The following OTOP1 variants were observed in gnomAD, a reference collection of about 807,000 sequenced individuals.
OTOP1 encodes otopetrin 1.
In OTOP1, 59 loss-of-function variants were observed where a neutral mutation model predicts 52.9. That is an observed-to-expected ratio of 1.12 (90% CI 0.91 to 1.39). OTOP1 has a LOEUF of 1.39. OTOP1 is among the 40% of genes most tolerant of loss of function. OTOP1 has a pLI of 0.00. For missense variants in OTOP1, 761 were observed against 800.9 expected (o/e 0.95, Z 0.60); for synonymous variants, 317 against 337.7 (o/e 0.94, Z 0.67).
At chr4:4,202,732 G>A (rs1716817451) in intron 3 of OTOP1, among the ~76,000 whole-genome samples, 154 bp from the exon 4 acceptor site, 1 of 152,232 alleles carries the variant, frequency 6.6e-6, no homozygotes, top group Non-Finnish European at 1.5e-5. Context: ...CCCCCTGCCT[G>A]GCTGGGTGGG....
At chr4:4,201,199 C>T (rs1716778342) in intron 4 of OTOP1, among the ~76,000 whole-genome samples, 1 of 152,166 alleles carries the variant, frequency 6.6e-6, no homozygotes, top group African/African-American at 2.4e-5. Flanking sequence ...GAGGCCAAGG[C>T]AGGTGGATCA....
At chr4:4,210,929 C>T (rs955009170) in intron 2 of OTOP1, among the ~76,000 whole-genome samples, 2 of 152,168 alleles carry the variant, frequency 1.3e-5, no homozygotes, top group East Asian at 1.9e-4. Flanking sequence ...TCTCCAAATA[C>T]AGTCACATGC....
At position 4,206,369 on chromosome 4, in the gene OTOP1, A is replaced by G. The variant is rs566170443; in HGVS notation, c.541-239T>C. On this transcript the variant is annotated intron_variant, in intron 2 of 5. Coordinates refer to ENST00000296358, the MANE Select transcript of OTOP1 (RefSeq NM_177998.3). The stretch of plus-strand genomic sequence containing the variant: ...GGAAGAAATGGTGCTGCAATTGATT[A>G]AGGATGTCTTCTGTGATATGGGGGT... 2.0e-5 allele frequency among the ~76,000 whole-genome samples: 3 copies of G among 152,316 alleles called. No individual in the cohort carries two copies. The East Asian group carries it at 5.8e-4, about 29-fold the overall frequency.
chr4:4,207,626 G>T (rs1205574737), intron 2 of OTOP1, among the ~76,000 whole-genome samples: 1 of 150,036 alleles, frequency 6.7e-6, no homozygotes, highest in Non-Finnish European at 1.5e-5. Context: ...CAAAAGAAGT[G>T]AAAGCAAGTT....
chr4:4,211,207 G>T (rs17697684), intron 2 of OTOP1, among the ~76,000 whole-genome samples: 2 of 152,110 alleles, frequency 1.3e-5, no homozygotes, highest in Non-Finnish European at 2.9e-5. Flanking sequence ...GGGGGTACAA[G>T]CTGAAGGTCA....
Position 4,198,039 on chromosome 4 carries a change from G to C in OTOP1, c.795C>G (p.His265Gln). 6.2e-7 allele frequency: 1 copy of C among 1,614,168 alleles called. No individual in the cohort carries two copies. Among genetic ancestry groups the C allele is most frequent in the Non-Finnish European group, 8.5e-7 (1 of 1,180,010 alleles). Residue 265 changes from histidine to glutamine, a missense_variant, in exon 5 of 6, where the codon CAC becomes CAG. By Grantham distance (24) the His-to-Gln change is conservative (BLOSUM62 0). Around this residue, in one of 3 missense-constraint regions of OTOP1, gnomAD observed 632 missense variants for 619.5 expected, o/e 1.02. Coordinates refer to ENST00000296358, the MANE Select transcript of OTOP1 (RefSeq NM_177998.3). ...TPPTLCTAIS[H>Q]GIYYLYPFNI... ...TGAAGGGGTAGAGGTAGTAGATCCC[G>C]TGGGAGATGGCAGTGCACAGAGTTG...
chr4:4,188,942 G>A lies in OTOP1; in HGVS notation c.1700C>T (p.Pro567Leu), dbSNP rs776308014. 5 of 1,613,212 alleles carry A rather than the reference G, an allele frequency of 3.1e-6. No homozygotes were observed. Among genetic ancestry groups the A allele is most frequent in the Admixed American group, 3.3e-5 (2 of 59,926 alleles). Reference protein sequence around the residue: ...LWIPPAFGCRPEYDNGLEEIV... With the variant: ...LWIPPAFGCRLEYDNGLEEIV... ...CTCCTCCAATCCATTGTCATACTCA[G>A]GTCGACAGCCAAAGGCGGGAGGTAT... is the stretch of plus-strand genomic sequence containing the variant. Residue 567 changes from proline to leucine, a missense_variant, in exon 6 of 6, where the codon CCT becomes CTT. Coordinates refer to ENST00000296358, the MANE Select transcript of OTOP1 (RefSeq NM_177998.3).
rs187686694 is a variant in OTOP1 at position 4,215,468 on chromosome 4, C to G, written c.404-2464G>C. Among the ~76,000 whole-genome samples the G allele has an allele frequency of 7.0e-3, 1,070 of 152,092 alleles. 19 individuals carry two copies. The highest frequency in any genetic ancestry group is 0.024 in the African/African-American group (1,006 of 41,492). The stretch of plus-strand genomic sequence containing the variant: ...CCTGAGGTTGGGAGTTCGAGAGCAG[C>G]CTGACCAATGTGGAGAAACCCCATC... On this transcript the variant is annotated intron_variant, in intron 1 of 5. Coordinates refer to ENST00000296358, the MANE Select transcript of OTOP1 (RefSeq NM_177998.3).
chr4:4,222,130 G>A (rs1717316585), intron 1 of OTOP1, among the ~76,000 whole-genome samples: 1 of 152,050 alleles, frequency 6.6e-6, no homozygotes, highest in Non-Finnish European at 1.5e-5. Context: ...GGATACAACG[G>A]TAAGCACAGA....
At chr4:4,212,184 C>T (rs952097435) in intron 2 of OTOP1, among the ~76,000 whole-genome samples, 6 of 152,140 alleles carry the variant, frequency 3.9e-5, no homozygotes, top group African/African-American at 4.8e-5. Flanking sequence ...CTGCCAAAGG[C>T]GAACACTACC....
chr4:4,224,731 T>G (rs942440216), intron 1 of OTOP1, among the ~76,000 whole-genome samples: 4 of 152,230 alleles, frequency 2.6e-5, no homozygotes, highest in Admixed American at 2.6e-4. Flanking sequence ...ATCCAGTCCC[T>G]GAGCCTAAGA....
intron 1 of OTOP1, among the ~76,000 whole-genome samples, chr4:4,219,466 C>T (rs1717223327): frequency 1.3e-5 from 2 of 151,908 alleles, no homozygotes; most frequent in Non-Finnish European, 2.9e-5. Context: ...CTTTGGGAGG[C>T]CGAGGCGGGC....
rs769230414 is a variant in OTOP1 at position 4,226,611 on chromosome 4, G to T, written c.254C>A (p.Ala85Glu). 19 of 1,599,154 alleles carry T rather than the reference G, an allele frequency of 1.2e-5. No individual in the cohort carries two copies. The African/African-American group carries it at 2.4e-4, about 21-fold the overall frequency. Residue 85 changes from alanine to glutamate, a missense_variant, in exon 1 of 6, where the codon GCG becomes GAG. This residue lies in a region of OTOP1 where 56 missense variants were observed against 105.6 expected (regional missense o/e 0.53). Coordinates refer to ENST00000296358, the MANE Select transcript of OTOP1 (RefSeq NM_177998.3). ...LLLLAWAVHA[A>E]GVSKSDLLCF... ...CAGCAGGTCGCTCTTGCTCACGCCC[G>T]CGGCGTGCACGGCCCAGGCCAGCAG... is the stretch of plus-strand genomic sequence containing the variant.
chr4:4,223,842 G>A (rs1021589067), intron 1 of OTOP1, among the ~76,000 whole-genome samples: 12 of 151,884 alleles, frequency 7.9e-5, no homozygotes, highest in Admixed American at 2.0e-4. Flanking sequence ...AGTGGAGGTC[G>A]CAGTGACCCA....
chr4:4,225,731 C>T (rs1015790389), intron 1 of OTOP1, among the ~76,000 whole-genome samples: 30 of 152,310 alleles, frequency 2.0e-4, no homozygotes, highest in Admixed American at 1.0e-3. Flanking sequence ...TTTCTCAACA[C>T]CCACTTCGTG....
chr4:4,210,970 T>C (rs1419804098), intron 2 of OTOP1, among the ~76,000 whole-genome samples: 1 of 152,048 alleles, frequency 6.6e-6, no homozygotes, highest in Non-Finnish European at 1.5e-5. Flanking sequence ...TTTCGGCAAA[T>C]GAATTTCACA....
At chr4:4,213,204 A>G (rs1717062904) in intron 1 of OTOP1, among the ~76,000 whole-genome samples, 200 bp from the exon 2 acceptor site, 1 of 152,264 alleles carries the variant, frequency 6.6e-6, no homozygotes, top group Non-Finnish European at 1.5e-5. Context: ...GTCCACATGC[A>G]AACGAATGAA....
intron 3 of OTOP1, 149 bp from the exon 4 acceptor site, chr4:4,202,727 T>A: frequency 3.0e-6 from 3 of 984,598 alleles, no homozygotes; most frequent in Non-Finnish European, 4.4e-6. Context: ...GTGGGCCCCC[T>A]GCCTGGCTGG....
intron 4 of OTOP1, among the ~76,000 whole-genome samples, chr4:4,199,087 G>A (rs1414926631): frequency 1.3e-5 from 2 of 152,078 alleles, no homozygotes; most frequent in East Asian, 3.9e-4. Flanking sequence ...TGCTTGGGAG[G>A]CTGAGGCAGG....
Sources: gnomAD v4.1 joint callset for allele counts (sites outside exome capture counted in the v4.1 genomes callset) on GRCh38, gnomAD v4.1.1 for gene constraint, gnomAD v4.1.1 regional missense constraint, MANE v1.5 for transcripts, NCBI Gene and HGNC (gene_info 2026-07-23, HGNC 2026-07-21) for gene names.